Variants in FUT8 observed in about 807,000 individuals in gnomAD.
FUT8 encodes alpha-(1,6)-fucosyltransferase.
Under a neutral mutation model 71.3 loss-of-function variants are expected in FUT8, and 29 were observed. The ratio of observed to expected loss-of-function variants is 0.41; its 90% confidence interval spans 0.30 to 0.55. The LOEUF is 0.55. Ranked by LOEUF, FUT8 falls within the 20% of genes least tolerant of loss-of-function variation. The probability of loss-of-function intolerance (pLI) is 0.34; values close to 1 mark genes in which losing one functional copy is unlikely to be tolerated. For synonymous variants in FUT8, 254 were observed against 239.3 expected (o/e 1.06, Z -0.57); for missense variants, 544 against 702.1 (o/e 0.77, Z 2.55).
chr14:65,521,075 T>A (rs938319460), intron 2 of FUT8, among the ~76,000 whole-genome samples: 1 of 152,142 alleles, frequency 6.6e-6, no homozygotes, highest in Admixed American at 6.5e-5. Flanking sequence ...TGTATCTCAT[T>A]TTCGCCCTCA....
At chr14:65,410,336 C>G (rs980131337), upstream of FUT8, among the ~76,000 whole-genome samples, 1 of 152,112 alleles carries the variant, frequency 6.6e-6, no homozygotes, top group Non-Finnish European at 1.5e-5. Flanking sequence ...AGTTGTTTGA[C>G]AGAGACCTCC....
chr14:65,661,857 C>G (rs751198676), intron 6 of FUT8, among the ~76,000 whole-genome samples: 5 of 152,130 alleles, frequency 3.3e-5, no homozygotes, highest in African/African-American at 7.2e-5. Flanking sequence ...TGAAATATGT[C>G]TAACAGTGAC....
At chr14:65,650,741 A>C (rs10150387) in intron 6 of FUT8, among the ~76,000 whole-genome samples, 1 of 150,232 alleles carries the variant, frequency 6.7e-6, no homozygotes. Context: ...AAAAAAAACC[A>C]CAAACTTGTA....
chr14:65,372,415 TC>T, the FUT8 span, among the ~76,000 whole-genome samples: 3 of 152,016 alleles, frequency 2.0e-5, no homozygotes, highest in Admixed American at 2.0e-4. Context: ...TTCCCTTCCT[TC>T]TTTTTTTTTT....
intron 5 of FUT8, among the ~76,000 whole-genome samples, chr14:65,625,858 A>G (rs181136436): frequency 6.6e-6 from 1 of 152,348 alleles, no homozygotes; most frequent in Admixed American, 6.5e-5. Context: ...GTGTACTTCT[A>G]ATGGCTTTCT....
At chr14:65,497,474 C>A (rs528635145) in intron 2 of FUT8, among the ~76,000 whole-genome samples, 10 of 152,100 alleles carry the variant, frequency 6.6e-5, no homozygotes, top group Non-Finnish European at 1.3e-4. Context: ...TTCTTATTCT[C>A]TATGAAGTTT....
At chr14:65,417,923 A>G (rs1190793930) in intron 1 of FUT8, among the ~76,000 whole-genome samples, 1 of 152,182 alleles carries the variant, frequency 6.6e-6, no homozygotes, top group East Asian at 1.9e-4. Flanking sequence ...TTTTTCCATA[A>G]ACTGAATAAA....
intron 1 of FUT8, among the ~76,000 whole-genome samples, chr14:65,437,305 T>C (rs1401448316): frequency 6.6e-6 from 1 of 152,212 alleles, no homozygotes; most frequent in Non-Finnish European, 1.5e-5. Flanking sequence ...AAGCATTTAC[T>C]ACCTAACATT....
chr14:65,657,642 AGATAGAGACTAGAATGATG>A (rs1594868602), intron 6 of FUT8, among the ~76,000 whole-genome samples: 1 of 152,136 alleles, frequency 6.6e-6, no homozygotes, highest in East Asian at 1.9e-4. Context: ...GAACTCATGG[AGATAGAGACTAGAATGATG>A]GTTACCAAAG....
intron 2 of FUT8, among the ~76,000 whole-genome samples, chr14:65,511,009 A>G (rs1882304017): frequency 6.6e-6 from 1 of 151,816 alleles, no homozygotes; most frequent in Admixed American, 6.6e-5. Flanking sequence ...GTATATTTAA[A>G]GTTTTTCTTC....
At chr14:65,611,729 C>T (rs1474312404) in intron 3 of FUT8, among the ~76,000 whole-genome samples, 3 of 152,098 alleles carry the variant, frequency 2.0e-5, no homozygotes, top group African/African-American at 7.2e-5. Context: ...GGCGTGATCT[C>T]GACTCACTGC....
In FUT8 at chr14:65,505,853, C is replaced by T. The variant is rs954614529; in HGVS notation, c.-228+50135C>T. ...TTGTGACCATCTCCAAGTCATTTCC[C>T]TTGTATCTCACCGTCATTCCTTATT... On this transcript the variant is annotated intron_variant, in intron 2 of 10. Transcript: ENST00000673929. 3.3e-5 allele frequency among the ~76,000 whole-genome samples: 5 copies of T among 152,106 alleles called. No homozygotes were observed. The East Asian group carries it at 7.7e-4, about 23-fold the overall frequency.
At chr14:65,471,616 C>G (rs1435508892) in intron 2 of FUT8, among the ~76,000 whole-genome samples, 3 of 152,094 alleles carry the variant, frequency 2.0e-5, no homozygotes, top group African/African-American at 7.2e-5. Flanking sequence ...GCTTGTATTC[C>G]TGGACTTCTG....
At chr14:65,666,003 C>G (rs7142651) in intron 6 of FUT8, among the ~76,000 whole-genome samples, 53,717 of 151,586 alleles carry the variant, frequency 0.35, 11,819 homozygotes, top group Non-Finnish European at 0.5. Flanking sequence ...ACCTGAGTGA[C>G]TAAATAAAGT....
chr14:65,615,094 A>G (rs900067640), intron 3 of FUT8, among the ~76,000 whole-genome samples: 4 of 152,046 alleles, frequency 2.6e-5, no homozygotes, highest in Non-Finnish European at 5.9e-5. Context: ...ATGATCTTCA[A>G]TTTTTTATTT....
chr14:65,713,039 C>G (rs1894881159), intron 7 of FUT8, among the ~76,000 whole-genome samples: 1 of 152,198 alleles, frequency 6.6e-6, no homozygotes. Flanking sequence ...GCCATCCTCC[C>G]TTACCCCCCA....
At chr14:65,722,084 A>G in intron 8 of FUT8, 63 bp downstream of exon 8, 4 of 1,565,066 alleles carry the variant, frequency 2.6e-6, no homozygotes, top group Non-Finnish European at 3.5e-6. Flanking sequence ...GTATCTTTAC[A>G]ATATATTGTG....
intron 1 of FUT8, among the ~76,000 whole-genome samples, chr14:65,416,326 T>G (rs921514725): frequency 1.3e-5 from 2 of 152,098 alleles, no homozygotes; most frequent in Admixed American, 6.5e-5. Flanking sequence ...TTTTTTTTTT[T>G]TTCCCCCAAA....
the FUT8 span, among the ~76,000 whole-genome samples, chr14:65,362,773 T>C: frequency 3.3e-5 from 5 of 151,140 alleles, no homozygotes; most frequent in South Asian, 6.3e-4. Flanking sequence ...CCATCCTGGC[T>C]AACATGGTGA....
Sources: allele counts gnomAD v4.1 joint callset (sites outside exome capture counted in the v4.1 genomes callset), GRCh38; gene constraint gnomAD v4.1.1; transcripts MANE v1.5; gene names NCBI Gene and HGNC (gene_info 2026-07-23, HGNC 2026-07-21).